TUSC3: variants seen among roughly 807,000 people sequenced by gnomAD.
TUSC3 encodes tumor suppressor candidate 3.
Under a neutral mutation model 44.8 loss-of-function variants are expected in TUSC3, and 45 were observed. The observed-to-expected ratio is 1.00, with a 90% CI of 0.79 to 1.29. The LOEUF is 1.29. TUSC3 is among the 50% of genes most tolerant of loss of function. TUSC3 has a pLI of 0.00. For synonymous variants in TUSC3, 212 were observed against 152.9 expected, an observed-to-expected ratio of 1.39 and a Z score of -2.85; for missense variants, 519 against 437.9, an observed-to-expected ratio of 1.19 and a Z score of -1.65.
At chr8:15,611,796 C>T (rs1007552457) in intron 1 of TUSC3, among the ~76,000 whole-genome samples, 6 of 152,068 alleles carry the variant, frequency 3.9e-5, no homozygotes, top group Non-Finnish European at 7.4e-5. Flanking sequence ...TTCCTAGAAG[C>T]ATTAATTGCC....
At chr8:15,669,746 G>A (rs1807857528) in intron 5 of TUSC3, among the ~76,000 whole-genome samples, 1 of 151,520 alleles carries the variant, frequency 6.6e-6, no homozygotes, top group African/African-American at 2.4e-5. Flanking sequence ...CATCATATTT[G>A]GCAACTTCCT....
intron 3 of TUSC3, among the ~76,000 whole-genome samples, chr8:15,656,344 A>G (rs191415942): frequency 1.3e-5 from 2 of 152,238 alleles, no homozygotes; most frequent in Non-Finnish European, 2.9e-5. Flanking sequence ...CCAGCTGTGT[A>G]TCTGAAATCA....
chr8:15,653,266 A>G (rs1806998547), intron 3 of TUSC3, among the ~76,000 whole-genome samples: 2 of 152,162 alleles, frequency 1.3e-5, no homozygotes, highest in African/African-American at 4.8e-5. Flanking sequence ...TCAGCTCTGT[A>G]GAAGAAATGT....
At chr8:15,755,933 T>G (rs1811910324) in intron 9 of TUSC3, among the ~76,000 whole-genome samples, 1 of 152,192 alleles carries the variant, frequency 6.6e-6, no homozygotes, top group African/African-American at 2.4e-5. Flanking sequence ...CACTCTGTGC[T>G]CACAAAAGTT....
chr8:15,740,333 C>G (rs1040347235), intron 7 of TUSC3, among the ~76,000 whole-genome samples: 2 of 152,024 alleles, frequency 1.3e-5, no homozygotes, highest in Non-Finnish European at 2.9e-5. Flanking sequence ...ACCACCAAAA[C>G]TCATAAAGGA....
downstream of TUSC3, among the ~76,000 whole-genome samples, chr8:15,770,952 T>A (rs1041460384): frequency 2.0e-5 from 3 of 151,954 alleles, no homozygotes; most frequent in Non-Finnish European, 4.4e-5. Context: ...TTCAAAGAGA[T>A]CCATACCAAG....
At chr8:15,755,158 G>C (rs1585307452) in intron 9 of TUSC3, among the ~76,000 whole-genome samples, 1 of 152,018 alleles carries the variant, frequency 6.6e-6, no homozygotes, top group East Asian at 1.9e-4. Context: ...TCCCTGATTG[G>C]AATACCCAGC....
chr8:15,738,773 A>C (rs987172998), intron 7 of TUSC3, among the ~76,000 whole-genome samples: 1 of 151,028 alleles, frequency 6.6e-6, no homozygotes, highest in African/African-American at 2.4e-5. Flanking sequence ...TATTATACAA[A>C]CATATACATC....
intron 6 of TUSC3, among the ~76,000 whole-genome samples, chr8:15,712,996 A>G (rs898191373): frequency 1.3e-5 from 2 of 152,160 alleles, no homozygotes; most frequent in Non-Finnish European, 2.9e-5. Context: ...TTGGATGTCC[A>G]CAGCATTTAT....
intron 1 of TUSC3, among the ~76,000 whole-genome samples, chr8:15,575,144 A>C (rs75770372): frequency 0.073 from 10,540 of 144,596 alleles, 478 homozygotes; most frequent in Middle Eastern, 0.11. Context: ...TGAACTGAAT[A>C]ATTTTGCGAT....
At chr8:15,561,308 G>A (rs529538390) in intron 1 of TUSC3, among the ~76,000 whole-genome samples, 11 of 148,016 alleles carry the variant, frequency 7.4e-5, no homozygotes, top group East Asian at 6.0e-4. Context: ...CTCCCAGTTC[G>A]GCTGCTAGGA....
chr8:15,797,186 C>T, the TUSC3 span, among the ~76,000 whole-genome samples: 2 of 152,116 alleles, frequency 1.3e-5, no homozygotes, highest in African/African-American at 4.8e-5. Flanking sequence ...AAATGGAAAG[C>T]GTATTTCAGT....
Position 15,543,719 on chromosome 8 carries a change from C to T in TUSC3, c.138+3151C>T, listed in dbSNP as rs76873697. On this transcript the variant is annotated intron_variant, in intron 1 of 10. Transcript: ENST00000503731. ...ATTAGTGTAATGAGATCCTGAAATG[C>T]GGTAAGATTTTTTTGAATTGGTTTT... Among the ~76,000 whole-genome samples the T allele has an allele frequency of 6.2e-3, 930 of 149,526 alleles. 8 individuals are homozygous for T. Among genetic ancestry groups the T allele is most frequent in the African/African-American group, 0.022 (888 of 40,842 alleles).
intron 2 of TUSC3, among the ~76,000 whole-genome samples, chr8:15,625,159 A>G (rs530471846): frequency 2.1e-4 from 32 of 152,266 alleles, no homozygotes; most frequent in African/African-American, 5.3e-4. Flanking sequence ...TTGATTTTCA[A>G]ATGTTGAACT....
intron 2 of TUSC3, among the ~76,000 whole-genome samples, chr8:15,505,602 C>G (rs7845782): frequency 0.089 from 13,467 of 152,146 alleles, 1,588 homozygotes; most frequent in African/African-American, 0.27. Flanking sequence ...CTAAGAATCA[C>G]CAACTGAAAA....
chr8:15,670,624 G>T (rs1422945585), intron 5 of TUSC3, among the ~76,000 whole-genome samples: 2 of 151,948 alleles, frequency 1.3e-5, no homozygotes, highest in East Asian at 1.9e-4. Flanking sequence ...TGGTGGGTGG[G>T]CAAAGATTTC....
intron 1 of TUSC3, among the ~76,000 whole-genome samples, chr8:15,541,777 C>T (rs1268344249): frequency 1.3e-5 from 2 of 151,160 alleles, no homozygotes; most frequent in Non-Finnish European, 2.9e-5. Context: ...ATTTGTATAC[C>T]ATATTCCAAG....
chr8:15,807,486 G>C, the TUSC3 span, among the ~76,000 whole-genome samples: 11 of 152,152 alleles, frequency 7.2e-5, no homozygotes, highest in African/African-American at 2.4e-4. Context: ...ATGTAAAACA[G>C]AACTACCGTT....
intron 3 of TUSC3, among the ~76,000 whole-genome samples, chr8:15,651,960 A>G (rs1237620527): frequency 6.6e-6 from 1 of 152,148 alleles, no homozygotes; most frequent in Non-Finnish European, 1.5e-5. Flanking sequence ...TACTGGCTCC[A>G]TTTCATAGGT....
Sources: allele counts gnomAD v4.1 joint callset (sites outside exome capture counted in the v4.1 genomes callset), GRCh38; gene constraint gnomAD v4.1.1; transcripts MANE v1.5; gene names NCBI Gene and HGNC (gene_info 2026-07-23, HGNC 2026-07-21).